ADARB1: variants seen among roughly 807,000 people sequenced by gnomAD.
ADARB1 encodes the protein double-stranded RNA-specific editase 1.
Under a neutral mutation model 52.4 loss-of-function variants are expected in ADARB1, and 10 were observed. That is an observed-to-expected ratio of 0.19 (90% confidence interval 0.12 to 0.32). The LOEUF is 0.32. Among genes scored for constraint, ADARB1 ranks in the 10% least tolerant of loss-of-function variants. The probability of loss-of-function intolerance (pLI) is 1.00; values close to 1 mark genes in which losing one functional copy is unlikely to be tolerated. For synonymous variants in ADARB1, 349 were observed against 371.1 expected (o/e 0.94, Z 0.68); for missense variants, 643 against 922.3 (o/e 0.70, Z 3.92).
rs116983937 is a variant in ADARB1, at chr21:45,146,851, G to C, written c.-48+18278G>C. On this transcript the variant is annotated intron_variant, in intron 2 of 10. Transcript: ENST00000348831. Reference sequence around the variant, plus strand: ...CCCTGTGTTTGGCTTGATCTGGACTGCACTTAACCATGACAATGTTAAGTG... The same window carrying C: ...CCCTGTGTTTGGCTTGATCTGGACTCCACTTAACCATGACAATGTTAAGTG... Among the ~76,000 whole-genome samples, 301 of 152,288 alleles carry C rather than the reference G, an allele frequency of 2.0e-3. 3 individuals carry two copies. In the East Asian group the frequency reaches 0.026, roughly 13 times the overall value.
chr21:45,211,086 A>G (rs2092759879), intron 9 of ADARB1, among the ~76,000 whole-genome samples: 2 of 152,244 alleles, frequency 1.3e-5, no homozygotes. Context: ...CAACCAGGAC[A>G]AGGCACTTCC....
At chr21:45,111,326 A>G (rs2087523842) in intron 1 of ADARB1, among the ~76,000 whole-genome samples, 1 of 152,194 alleles carries the variant, frequency 6.6e-6, no homozygotes, top group Non-Finnish European at 1.5e-5. Flanking sequence ...GAGCAGTTTT[A>G]TATTTACAGC....
chr21:45,153,201 G>C (rs2090387565), intron 2 of ADARB1, among the ~76,000 whole-genome samples: 2 of 152,146 alleles, frequency 1.3e-5, no homozygotes, highest in Non-Finnish European at 2.9e-5. Context: ...GTTAATACCA[G>C]TTTTTAATTC....
In ADARB1 at chr21:45,180,409, G is replaced by C. The variant is rs746977070; in HGVS notation, c.1043G>C (p.Arg348Pro). 6.2e-7 allele frequency: 1 copy of C among 1,613,960 alleles called. No individual in the cohort carries two copies. The change falls in exon 5 of 11, where the codon CGC becomes CCC. Residue 348 changes from arginine (R) to proline (P), a missense_variant. Physicochemically the swap from Arg to Pro is moderately radical, Grantham distance 103. This residue lies in a region of ADARB1 where 263 missense variants were observed against 475.8 expected (regional missense o/e 0.55). Coordinates refer to ENST00000348831, the MANE Select transcript of ADARB1 (RefSeq NM_001112.4). Reference sequence around the variant, plus strand: ...GACAACTTCTCCTCCCCTCACGCTCGCAGAAAAGTGCTGGCTGGAGTCGTC... The same window carrying C: ...GACAACTTCTCCTCCCCTCACGCTCCCAGAAAAGTGCTGGCTGGAGTCGTC... ...LTDNFSSPHA[R>P]RKVLAGVVMT...
intron 8 of ADARB1, among the ~76,000 whole-genome samples, chr21:45,191,915 G>C (rs1163783331): frequency 9.1e-6 from 1 of 109,924 alleles, no homozygotes; most frequent in Admixed American, 1.0e-4. Context: ...TTTTTTTGTA[G>C]TTATCTTCAT....
intron 2 of ADARB1, among the ~76,000 whole-genome samples, chr21:45,139,143 ACTC>A (rs1417494742): frequency 6.8e-6 from 1 of 146,300 alleles, no homozygotes; most frequent in East Asian, 2.0e-4. Flanking sequence ...CTGGTCTTGA[ACTC>A]CTGGGCTCAG....
At chr21:45,143,457 G>A (rs543043341) in intron 2 of ADARB1, among the ~76,000 whole-genome samples, 2 of 152,306 alleles carry the variant, frequency 1.3e-5, no homozygotes, top group East Asian at 3.9e-4. Context: ...CCTGTGGGCG[G>A]TGCCTTCAGG....
chr21:45,165,543 A>G (rs1312187777), intron 2 of ADARB1, among the ~76,000 whole-genome samples: 1 of 152,222 alleles, frequency 6.6e-6, no homozygotes, highest in African/African-American at 2.4e-5. Context: ...AAATATTATC[A>G]ATTGAATATT....
intron 2 of ADARB1, among the ~76,000 whole-genome samples, chr21:45,164,325 G>A (rs148976297): frequency 6.5e-4 from 99 of 152,272 alleles, no homozygotes; most frequent in African/African-American, 2.1e-3. Context: ...TTGCCCCTGC[G>A]TTGGCACAAG....
chr21:45,095,583 C>T (rs1275593291), intron 1 of ADARB1, among the ~76,000 whole-genome samples: 3 of 152,144 alleles, frequency 2.0e-5, no homozygotes, highest in African/African-American at 7.2e-5. Context: ...CTGCATCCCG[C>T]TGTTTCAGGG....
chr21:45,095,393 C>T (rs965879027), intron 1 of ADARB1, among the ~76,000 whole-genome samples: 8 of 152,244 alleles, frequency 5.3e-5, no homozygotes, highest in Non-Finnish European at 1.2e-4. Flanking sequence ...TTTCAGCTTC[C>T]TGCAGTGACC....
intron 1 of ADARB1, among the ~76,000 whole-genome samples, chr21:45,100,334 C>T (rs1309042056): frequency 1.3e-5 from 2 of 152,112 alleles, no homozygotes; most frequent in Admixed American, 1.3e-4. Context: ...AGTCACTGTT[C>T]CCAAGTCAAA....
At chr21:45,151,186 G>T (rs1339793578) in intron 2 of ADARB1, among the ~76,000 whole-genome samples, 1 of 152,234 alleles carries the variant, frequency 6.6e-6, no homozygotes, top group East Asian at 1.9e-4. Flanking sequence ...CAAAGTGTCA[G>T]GGGTGGCTGA....
chr21:45,156,793 G>A (rs2145998095), intron 2 of ADARB1, among the ~76,000 whole-genome samples: 1 of 152,318 alleles, frequency 6.6e-6, no homozygotes, highest in South Asian at 2.1e-4. Context: ...GGATGGCAGT[G>A]GCAGGGGGCA....
chr21:45,117,631 G>T (rs537743183), intron 1 of ADARB1, among the ~76,000 whole-genome samples: 1 of 151,890 alleles, frequency 6.6e-6, no homozygotes, highest in African/African-American at 2.4e-5. Context: ...CAATGCTCAT[G>T]CTACTTCACT....
chr21:45,194,239 T>TAA (rs1159948442), intron 8 of ADARB1, among the ~76,000 whole-genome samples: 4 of 152,030 alleles, frequency 2.6e-5, no homozygotes, highest in Non-Finnish European at 4.4e-5. Context: ...ATCATCAGCA[T>TAA]CTCCCACTCT....
intron 2 of ADARB1, among the ~76,000 whole-genome samples, chr21:45,171,376 G>A (rs922859021): frequency 2.0e-5 from 3 of 152,158 alleles, no homozygotes; most frequent in African/African-American, 4.8e-5. Context: ...CACGCGAGAC[G>A]TCCTTTGCTG....
chr21:45,079,911 A>G (rs759294146), intron 1 of ADARB1, among the ~76,000 whole-genome samples: 1 of 152,164 alleles, frequency 6.6e-6, no homozygotes, highest in Admixed American at 6.5e-5. Flanking sequence ...GAGATGAGGA[A>G]TGGCCTGGGA....
At chr21:45,086,545 A>G (rs1260203972) in intron 1 of ADARB1, among the ~76,000 whole-genome samples, 3 of 152,188 alleles carry the variant, frequency 2.0e-5, no homozygotes, top group African/African-American at 7.2e-5. Context: ...TGCTGTTTCC[A>G]CATGTGCCTT....
Sources: allele counts gnomAD v4.1 joint callset (sites outside exome capture counted in the v4.1 genomes callset), GRCh38; gene constraint gnomAD v4.1.1; regional missense constraint gnomAD v4.1.1; transcripts MANE v1.5; gene names NCBI Gene and HGNC (gene_info 2026-07-23, HGNC 2026-07-21).